The following HOPX variants were observed in gnomAD, a reference collection of about 807,000 sequenced individuals.
The protein encoded by HOPX is HOP homeobox.
Under a neutral mutation model 11.8 loss-of-function variants are expected in HOPX, and 5 were observed. That is an observed-to-expected ratio of 0.43 (90% confidence interval 0.22 to 0.89). HOPX has a LOEUF of 0.89. HOPX is among the 40% of genes least tolerant of loss of function. HOPX has a pLI of 0.28. For synonymous variants in HOPX, 49 were observed against 49.7 expected, an observed-to-expected ratio of 0.99 and a Z score of 0.06; for missense variants, 119 against 120.0, an observed-to-expected ratio of 0.99 and a Z score of 0.04.
intron 3 of HOPX, chr4:56,650,497 G>A (rs1175527874): frequency 1.7e-6 from 1 of 576,502 alleles, no homozygotes; most frequent in South Asian, 2.3e-5. Flanking sequence ...CACAGGGGGA[G>A]AAGGAGCAAG....
rs752852772 is a variant in HOPX, at chr4:56,655,988, T to C, written c.67A>G (p.Thr23Ala). Residue 23 changes from threonine (T) to alanine (A), a missense_variant, in exon 3 of 4, where the codon ACC becomes GCC. Transcript: ENST00000420433. Reference sequence around the variant, plus strand: ...TGGTCCTCTGTGGGGCCGCTCGCGGTCTCCGCCGACATGGTCCCTGCGCGC... The same window carrying C: ...TGGTCCTCTGTGGGGCCGCTCGCGGCCTCCGCCGACATGGTCCCTGCGCGC... ...EERAGTMSAE[T>A]ASGPTEDQVE... The C allele has an allele frequency of 4.4e-6, 7 of 1,605,288 alleles. No individual in the cohort carries two copies. In the Admixed American group the frequency reaches 1.2e-4, roughly 27 times the overall value.
At chr4:56,650,948 G>C in intron 3 of HOPX, 2 of 829,456 alleles carry the variant, frequency 2.4e-6, no homozygotes, top group Non-Finnish European at 3.6e-6. Context: ...GAGCAGCAAG[G>C]TTCCAGTTTC....
At chr4:56,661,401 G>A (rs191801335) in intron 1 of HOPX, among the ~76,000 whole-genome samples, 1 of 152,052 alleles carries the variant, frequency 6.6e-6, no homozygotes, top group Non-Finnish European at 1.5e-5. Context: ...TTTGAACATT[G>A]CCTCTCTGAA....
intron 2 of HOPX, among the ~76,000 whole-genome samples, chr4:56,656,860 G>A (rs577701250): frequency 6.6e-6 from 1 of 152,118 alleles, no homozygotes; most frequent in Non-Finnish European, 1.5e-5. Flanking sequence ...ACAATTTACG[G>A]CAAAGAGCCT....
At position 56,648,524 on chromosome 4, in the gene HOPX, A is replaced by C. The variant is rs1022989268; in HGVS notation, c.*196T>G. 9.3e-6 allele frequency: 4 copies of C among 431,408 alleles called. No individual in the cohort carries two copies. The highest frequency in any genetic ancestry group is 1.7e-5 in the Non-Finnish European group (4 of 240,552). The allele number at this position is 431,408 out of a possible 1,614,324, so 26.7% of individuals were successfully genotyped here. A position where few individuals can be genotyped will look rare whatever the true frequency, so the allele number is the denominator to read the frequency against. The stretch of plus-strand genomic sequence containing the variant: ...GAAGCCACTGCTTTACACAGAAGAT[A>C]CACATAGCTTCCTATTGTTATTTTC... On this transcript the variant is annotated 3_prime_UTR_variant, in exon 4 of 4. Transcript: ENST00000420433.
chr4:56,664,273 G>C lies in HOPX; in HGVS notation c.-83-6374C>G, dbSNP rs147170076. ...AGCCTCCCTAGTAGCTGGGATTACAGACGTGTGCTACCATGCCTGGCTAAT... is the reference window on the plus strand; with the variant it reads ...AGCCTCCCTAGTAGCTGGGATTACACACGTGTGCTACCATGCCTGGCTAAT... On this transcript the variant is annotated intron_variant, in intron 1 of 3. Coordinates refer to ENST00000420433, the MANE Select transcript of HOPX (RefSeq NM_032495.6). 154 of 151,772 alleles carry C rather than the reference G, an allele frequency of 1.0e-3. 1 individual carries two copies. Among genetic ancestry groups the C allele is most frequent in the African/African-American group, 3.6e-3 (151 of 41,376 alleles). 9.4% of individuals were successfully genotyped at this position (151,772 alleles called of 1,614,324 possible). A position where few individuals can be genotyped will look rare whatever the true frequency, so the allele number is the denominator to read the frequency against.
chr4:56,672,454 G>A (rs1033810509), intron 1 of HOPX, among the ~76,000 whole-genome samples: 3 of 151,624 alleles, frequency 2.0e-5, no homozygotes, highest in Non-Finnish European at 4.4e-5. Flanking sequence ...GACAAGAATC[G>A]CTTGAACCCG....
intron 1 of HOPX, among the ~76,000 whole-genome samples, chr4:56,677,159 CAGAA>C (rs1719062106): frequency 6.6e-6 from 1 of 151,706 alleles, no homozygotes; most frequent in Admixed American, 6.5e-5. Context: ...CTCCATTTTT[CAGAA>C]AGACACAGGA....
intron 2 of HOPX, among the ~76,000 whole-genome samples, chr4:56,656,735 G>A (rs1717773545): frequency 6.6e-6 from 1 of 152,176 alleles, no homozygotes; most frequent in South Asian, 2.1e-4. Flanking sequence ...TTCCACCTGT[G>A]GGCTTGCATG....
At chr4:56,652,018 G>A (rs1018189285) in intron 3 of HOPX, among the ~76,000 whole-genome samples, 5 of 152,006 alleles carry the variant, frequency 3.3e-5, no homozygotes, top group African/African-American at 9.7e-5. Flanking sequence ...AAGACATAGG[G>A]CTGGGATTCT....
At chr4:56,673,563 A>AT (rs923505799) in intron 1 of HOPX, among the ~76,000 whole-genome samples, 6 of 151,820 alleles carry the variant, frequency 4.0e-5, no homozygotes, top group African/African-American at 1.2e-4. Context: ...TTGGTCTTGG[A>AT]TTTTTTCCTC....
intron 1 of HOPX, chr4:56,665,629 G>A (rs1180830521): frequency 6.6e-6 from 1 of 152,132 alleles, no homozygotes; most frequent in Non-Finnish European, 1.5e-5. Flanking sequence ...TAACAATAGT[G>A]ACAACATATT....
chr4:56,667,713 T>C (rs1199176241), intron 1 of HOPX, among the ~76,000 whole-genome samples: 1 of 152,216 alleles, frequency 6.6e-6, no homozygotes, highest in Non-Finnish European at 1.5e-5. Flanking sequence ...CTCCTGTTCA[T>C]CACTGTAGTT....
At chr4:56,670,019 T>C (rs1718653694) in intron 1 of HOPX, among the ~76,000 whole-genome samples, 1 of 152,238 alleles carries the variant, frequency 6.6e-6, no homozygotes, top group African/African-American at 2.4e-5. Context: ...CTTTCATTTT[T>C]ATTGCAACTT....
At chr4:56,671,640 T>C (rs1307375432) in intron 1 of HOPX, among the ~76,000 whole-genome samples, 3 of 152,036 alleles carry the variant, frequency 2.0e-5, no homozygotes, top group African/African-American at 7.3e-5. Flanking sequence ...GGTGTTCAGC[T>C]AATAGGACAA....
At chr4:56,659,554 G>A in intron 1 of HOPX, 1 of 151,660 alleles carries the variant, frequency 6.6e-6, no homozygotes, top group East Asian at 1.9e-4. Flanking sequence ...AGGAGAGAGA[G>A]AGAGAGAGAG....
At chr4:56,672,367 C>T (rs1304984536) in intron 1 of HOPX, among the ~76,000 whole-genome samples, 1 of 150,890 alleles carries the variant, frequency 6.6e-6, no homozygotes, top group South Asian at 2.1e-4. Flanking sequence ...GGAGAAACCC[C>T]GCCTCTACTA....
chr4:56,678,438 A>AT (rs57921708), intron 1 of HOPX, among the ~76,000 whole-genome samples: 5,604 of 100,062 alleles, frequency 0.056, 285 homozygotes, highest in East Asian at 0.12. Flanking sequence ...CTAGTCACTG[A>AT]TTTTTTTTTT....
chr4:56,662,212 G>A (rs1014664727), intron 1 of HOPX, among the ~76,000 whole-genome samples: 4 of 152,276 alleles, frequency 2.6e-5, no homozygotes, highest in African/African-American at 7.2e-5. Flanking sequence ...GAAATAATGC[G>A]CTTACATGTT....
Sources: allele counts gnomAD v4.1 joint callset (sites outside exome capture counted in the v4.1 genomes callset), GRCh38; gene constraint gnomAD v4.1.1; transcripts MANE v1.5; gene names NCBI Gene and HGNC (gene_info 2026-07-23, HGNC 2026-07-21).